ZNF423: variants seen among roughly 807,000 people sequenced by gnomAD.
ZNF423 encodes Ebf-associated zinc finger protein.
Under a neutral mutation model 95.8 loss-of-function variants are expected in ZNF423, and 12 were observed. That is an observed-to-expected ratio of 0.13 (90% confidence interval 0.08 to 0.20). ZNF423 has a LOEUF of 0.20. Among genes scored for constraint, ZNF423 ranks in the 10% least tolerant of loss-of-function variants. The pLI, the probability that ZNF423 is intolerant of heterozygous loss-of-function variation, is 1.00. For missense variants in ZNF423, 1,316 were observed against 1,737.1 expected (o/e 0.76, Z 4.31); for synonymous variants, 749 against 711.9 (o/e 1.05, Z -0.83).
At chr16:49,534,156 A>T (rs914636080) in intron 5 of ZNF423, among the ~76,000 whole-genome samples, 15 of 152,266 alleles carry the variant, frequency 9.9e-5, no homozygotes, top group African/African-American at 3.6e-4. Context: ...AGCACAAAAA[A>T]TTTTTAAAAT....
chr16:49,637,908 G>A lies in ZNF423; in HGVS notation c.1268C>T (p.Ser423Phe), dbSNP rs760242467. 1.2e-6 allele frequency: 2 copies of A among 1,614,178 alleles called. No homozygotes were observed. The highest frequency in any genetic ancestry group is 4.5e-5 in the East Asian group (2 of 44,870). The change falls in exon 4 of 8, where the codon TCC (serine) becomes TTC (phenylalanine). Residue 423 changes from serine (S) to phenylalanine (F), a missense_variant. This residue lies in a region of ZNF423 where 399 missense variants were observed against 478.5 expected (regional missense o/e 0.83). Transcript: ENST00000563137. The surrounding 1 kb of genome is among the most constrained non-coding windows in gnomAD (Gnocchi z 5.6). ...GGCCAGGCTGTTAAAGTCCCGCTTG[G>A]AACAATAGGGGCAGCTATAGACCAC... ...TKVVYSCPYC[S>F]KRDFNSLAVL...
chr16:49,836,968 A>G (rs987759152), intron 1 of ZNF423, among the ~76,000 whole-genome samples: 1 of 152,196 alleles, frequency 6.6e-6, no homozygotes, highest in Admixed American at 6.5e-5. Flanking sequence ...GAGCCAACAG[A>G]TACAGGAAAT....
chr16:49,527,179 C>T lies in ZNF423; in HGVS notation c.3602-1685G>A, dbSNP rs986258425. On this transcript the variant is annotated intron_variant, in intron 5 of 7. Transcript: ENST00000563137. ...CCCACCGCAGAGGCGCACACACACA[C>T]GTGCACACACAGGTGGGTCTGCCCC... is the stretch of plus-strand genomic sequence containing the variant. Among the ~76,000 whole-genome samples the T allele has an allele frequency of 4.6e-5, 7 of 152,174 alleles. No individual in the cohort carries two copies. In the East Asian group the frequency reaches 1.4e-3, roughly 29 times the overall value.
intron 5 of ZNF423, among the ~76,000 whole-genome samples, chr16:49,612,402 G>A (rs1971754186): frequency 1.7e-5 from 2 of 119,882 alleles, no homozygotes; most frequent in Admixed American, 8.4e-5. Flanking sequence ...TCTCACAATA[G>A]GTACAGTAAA....
intron 5 of ZNF423, among the ~76,000 whole-genome samples, chr16:49,605,650 C>T (rs1014174891): frequency 6.6e-6 from 1 of 152,154 alleles, no homozygotes; most frequent in Non-Finnish European, 1.5e-5. Context: ...TAAATGAAGC[C>T]CCGGCCCTGC....
At chr16:49,617,026 T>G (rs11076489) in intron 5 of ZNF423, among the ~76,000 whole-genome samples, 16,135 of 152,258 alleles carry the variant, frequency 0.11, 964 homozygotes, top group East Asian at 0.16. Flanking sequence ...GCACTGTTTG[T>G]GCTGCCCCTT....
rs1248803980 is a variant in ZNF423, at chr16:49,855,418, C to A, written c.40+317G>T. On this transcript the variant is annotated intron_variant, in intron 1 of 7. Coordinates refer to ENST00000563137, the MANE Select transcript of ZNF423 (RefSeq NM_001379286.1). The surrounding 1 kb of genome is among the most constrained non-coding windows in gnomAD (Gnocchi z 4.7). ...GGGCCCGGGCCCCGCACGGAGGGAG[C>A]GGCAAGGGCCCCTTAGCGGCGCCCC... Among the ~76,000 whole-genome samples the A allele has an allele frequency of 2.0e-5, 3 of 151,238 alleles. No homozygotes were observed. The highest frequency in any genetic ancestry group is 3.0e-5 in the Non-Finnish European group (2 of 67,714).
At chr16:49,856,471 A>C (rs114796130), upstream of ZNF423, among the ~76,000 whole-genome samples, 780 of 149,592 alleles carry the variant, frequency 5.2e-3, 6 homozygotes, top group African/African-American at 0.018. Flanking sequence ...CTGCCGCACA[A>C]AAAAAAATAA....
chr16:49,720,593 A>C (rs570613614), intron 3 of ZNF423, among the ~76,000 whole-genome samples: 6 of 152,230 alleles, frequency 3.9e-5, no homozygotes, highest in Non-Finnish European at 8.8e-5. Context: ...CAAACCAAAA[A>C]AGGTTTGAGG....
At position 49,855,495 on chromosome 16, in the gene ZNF423, T is replaced by A. The variant is rs996420528; in HGVS notation, c.40+240A>T. On this transcript the variant is annotated intron_variant, in intron 1 of 7. Coordinates refer to ENST00000563137, the MANE Select transcript of ZNF423 (RefSeq NM_001379286.1). This position sits in a 1 kb window ranked among gnomAD's most constrained non-coding sequence, Gnocchi z 4.7. ...GCGCCGAGTCCGGGCAGGGAGGGTG[T>A]CCGCGGCGTACCCCCTCCGCCGCCG... Among the ~76,000 whole-genome samples, 11 of 144,590 alleles carry A rather than the reference T, an allele frequency of 7.6e-5. No individual in the cohort carries two copies. The highest frequency in any genetic ancestry group is 2.6e-4 in the African/African-American group (10 of 38,306). The allele number at this position is 144,590 out of a possible 152,430, so 94.9% of individuals were successfully genotyped here. A position where few individuals can be genotyped will look rare whatever the true frequency, so the allele number is the denominator to read the frequency against.
intron 5 of ZNF423, among the ~76,000 whole-genome samples, chr16:49,576,093 C>T (rs2151794945): frequency 6.6e-6 from 1 of 152,316 alleles, no homozygotes; most frequent in East Asian, 1.9e-4. Context: ...TCCCGTTTCT[C>T]AAACTCCATA....
chr16:49,730,742 G>A (rs1414228544), intron 3 of ZNF423, 29 bp downstream of exon 3: 1 of 1,613,394 alleles, frequency 6.2e-7, no homozygotes, highest in South Asian at 1.1e-5. Flanking sequence ...GTAACCACCT[G>A]TCAGAGTCCT....
chr16:49,654,253 C>T (rs1473387725), intron 3 of ZNF423, among the ~76,000 whole-genome samples: 1 of 152,222 alleles, frequency 6.6e-6, no homozygotes, highest in East Asian at 1.9e-4. Context: ...TCACTGCCCC[C>T]GAAAGCCCAA....
At chr16:49,757,433 C>T (rs989121059) in intron 2 of ZNF423, among the ~76,000 whole-genome samples, 1 of 152,254 alleles carries the variant, frequency 6.6e-6, no homozygotes, top group Non-Finnish European at 1.5e-5. Context: ...CTCCTACCAA[C>T]AGCAAGGCTT....
At chr16:49,525,569 T>C (rs1437068663) in intron 5 of ZNF423, 75 bp from the exon 6 acceptor site, 3 of 1,589,948 alleles carry the variant, frequency 1.9e-6, no homozygotes, top group Admixed American at 1.7e-5. Flanking sequence ...AGGCCTCCCA[T>C]AGACCCCAGC....
At chr16:49,664,247 C>T in intron 3 of ZNF423, 4 of 985,566 alleles carry the variant, frequency 4.1e-6, no homozygotes, top group Non-Finnish European at 4.8e-6. Flanking sequence ...CGGGACGCAT[C>T]CCCACCCGGC....
intron 5 of ZNF423, among the ~76,000 whole-genome samples, chr16:49,531,243 A>G (rs938156419): frequency 6.6e-6 from 1 of 151,454 alleles, no homozygotes; most frequent in Non-Finnish European, 1.5e-5. Context: ...AATGCCCCAG[A>G]CTGACATTCC....
At chr16:49,744,886 G>A (rs541343568) in intron 2 of ZNF423, among the ~76,000 whole-genome samples, 7 of 152,278 alleles carry the variant, frequency 4.6e-5, no homozygotes, top group East Asian at 1.9e-4. Context: ...AACTGCTGGC[G>A]ATGTTCTTTA....
intron 7 of ZNF423, among the ~76,000 whole-genome samples, chr16:49,522,764 T>C (rs1382528319): frequency 1.3e-5 from 2 of 152,160 alleles, no homozygotes; most frequent in Non-Finnish European, 2.9e-5. Context: ...TGATAGGAAC[T>C]GTGTGCGTGC....
Sources: gnomAD v4.1 joint callset for allele counts (sites outside exome capture counted in the v4.1 genomes callset) on GRCh38, gnomAD v4.1.1 for gene constraint, gnomAD v4.1.1 regional missense constraint, Gnocchi (gnomAD v3.1) non-coding constraint, MANE v1.5 for transcripts, NCBI Gene and HGNC (gene_info 2026-07-23, HGNC 2026-07-21) for gene names.